The following CTNNA3 variants were observed in gnomAD, a reference collection of about 807,000 sequenced individuals.
CTNNA3 encodes the protein catenin alpha 3.
Under a neutral mutation model 95.7 loss-of-function variants are expected in CTNNA3, and 76 were observed. The observed-to-expected ratio is 0.79, with a 90% confidence interval of 0.66 to 0.96. The LOEUF is 0.96. Among genes scored for constraint, CTNNA3 ranks in the 40% least tolerant of loss-of-function variants. CTNNA3 has a pLI of 0.00. For missense variants in CTNNA3, 1,191 were observed against 1,089.8 expected (o/e 1.09, Z -1.31); for synonymous variants, 431 against 374.4 (o/e 1.15, Z -1.74).
At chr10:66,775,111 C>T (rs1448447538) in intron 8 of CTNNA3, among the ~76,000 whole-genome samples, 1 of 152,136 alleles carries the variant, frequency 6.6e-6, no homozygotes, top group East Asian at 1.9e-4. Context: ...ATTGATTCCT[C>T]ACAGCCCTAT....
At chr10:66,950,007 C>T (rs928471640) in intron 7 of CTNNA3, among the ~76,000 whole-genome samples, 3 of 152,148 alleles carry the variant, frequency 2.0e-5, no homozygotes, top group African/African-American at 7.2e-5. Context: ...CTGGGCTCAA[C>T]CTAGTCTTTC....
At chr10:67,500,851 T>C (rs535914539) in intron 5 of CTNNA3, among the ~76,000 whole-genome samples, 1 of 152,298 alleles carries the variant, frequency 6.6e-6, no homozygotes, top group South Asian at 2.1e-4. Context: ...CAGCACACTA[T>C]GTGTGCCTCT....
In CTNNA3 at chr10:67,574,146, T is replaced by G. The variant is rs145873418; in HGVS notation, c.292+32711A>C. ...TCTTTTGCCCTGCTCCTTGCTACTT[T>G]CAATCCAACACCCTAGGAAAAACCT... On this transcript the variant is annotated intron_variant, in intron 3 of 17. Coordinates refer to ENST00000433211, the MANE Select transcript of CTNNA3 (RefSeq NM_013266.4). 9.9e-5 allele frequency among the ~76,000 whole-genome samples: 15 copies of G among 152,252 alleles called. No individual in the cohort carries two copies. The East Asian group carries it at 2.9e-3, about 29-fold the overall frequency.
intron 13 of CTNNA3, among the ~76,000 whole-genome samples, chr10:66,227,166 C>T (rs2089336252): frequency 6.6e-6 from 1 of 152,034 alleles, no homozygotes; most frequent in Non-Finnish European, 1.5e-5. Context: ...CACCCAGCTG[C>T]ACTTTATTCC....
At chr10:67,353,333 A>C (rs1367138928) in intron 5 of CTNNA3, among the ~76,000 whole-genome samples, 1 of 152,016 alleles carries the variant, frequency 6.6e-6, no homozygotes, top group East Asian at 1.9e-4. Flanking sequence ...AAGAAGCAGC[A>C]CATCTCCAAG....
chr10:66,287,860 C>T (rs2091615910), intron 12 of CTNNA3, among the ~76,000 whole-genome samples: 1 of 151,868 alleles, frequency 6.6e-6, no homozygotes, highest in Non-Finnish European at 1.5e-5. Flanking sequence ...GAGGTGAATC[C>T]AAAAGATCAA....
intron 5 of CTNNA3, among the ~76,000 whole-genome samples, chr10:67,305,642 A>G (rs1840523491): frequency 6.6e-6 from 1 of 152,116 alleles, no homozygotes; most frequent in Non-Finnish European, 1.5e-5. Flanking sequence ...GCAAGACTAG[A>G]AGTGGGGAGA....
Position 66,918,819 on chromosome 10 carries a change from TAGAGAG to T in CTNNA3, c.1048-143301_1048-143296del, listed in dbSNP as rs553999408. ...ATGTGCATGTGTGTAGATAGATAAATAGAGAGAGAGAGAGAGGTTATAAAGACATAT... is the reference window on the plus strand; with the variant it reads ...ATGTGCATGTGTGTAGATAGATAAATAGAGAGAGAGGTTATAAAGACATAT... On this transcript the variant is annotated intron_variant, in intron 7 of 17. Transcript: ENST00000433211. Among the ~76,000 whole-genome samples, 4 of 150,314 alleles carry T rather than the reference TAGAGAG, an allele frequency of 2.7e-5. No homozygotes were observed. The South Asian group carries it at 8.5e-4, about 32-fold the overall frequency.
chr10:66,751,175 G>A (rs1463026834), intron 9 of CTNNA3, among the ~76,000 whole-genome samples: 1 of 152,074 alleles, frequency 6.6e-6, no homozygotes, highest in East Asian at 1.9e-4. Flanking sequence ...GGCTGAGGCA[G>A]AAGAATCGCT....
At chr10:66,402,176 TAAGA>T (rs1466563334) in intron 11 of CTNNA3, among the ~76,000 whole-genome samples, 3 of 152,266 alleles carry the variant, frequency 2.0e-5, no homozygotes, top group East Asian at 1.9e-4. Flanking sequence ...TCAAGGAACA[TAAGA>T]AAGTAATCAC....
chr10:66,320,079 C>G (rs10762056), intron 12 of CTNNA3, among the ~76,000 whole-genome samples: 45,426 of 151,962 alleles, frequency 0.3, 7,897 homozygotes, highest in Non-Finnish European at 0.39. Context: ...CTGTTGTGAG[C>G]TTTTACGCAG....
chr10:67,326,688 C>T (rs1841550721), intron 5 of CTNNA3, among the ~76,000 whole-genome samples: 4 of 152,090 alleles, frequency 2.6e-5, no homozygotes, highest in Admixed American at 2.6e-4. Flanking sequence ...TGGAGAGAAT[C>T]TGATTATTAT....
At chr10:67,291,765 A>T (rs1839845731) in intron 5 of CTNNA3, among the ~76,000 whole-genome samples, 1 of 152,220 alleles carries the variant, frequency 6.6e-6, no homozygotes, top group Non-Finnish European at 1.5e-5. Context: ...GTGTTAACAC[A>T]GCTTTCTATG....
At chr10:66,002,741 C>G (rs2078795166) in intron 15 of CTNNA3, among the ~76,000 whole-genome samples, 1 of 152,138 alleles carries the variant, frequency 6.6e-6, no homozygotes. Context: ...GAGAATAGAT[C>G]TCATAGGAGA....
At chr10:66,689,424 T>C (rs1431941060) in intron 9 of CTNNA3, among the ~76,000 whole-genome samples, 1 of 152,180 alleles carries the variant, frequency 6.6e-6, no homozygotes, top group Non-Finnish European at 1.5e-5. Flanking sequence ...TGCCTTTATT[T>C]CAAATATTTT....
intron 14 of CTNNA3, among the ~76,000 whole-genome samples, chr10:66,094,775 C>G (rs936291978): frequency 6.6e-6 from 1 of 152,100 alleles, no homozygotes; most frequent in Non-Finnish European, 1.5e-5. Flanking sequence ...ATTGCAAAAG[C>G]CTTGAATAAA....
chr10:66,800,852 G>T lies in CTNNA3; in HGVS notation c.1048-25328C>A, dbSNP rs185745433. Reference sequence around the variant, plus strand: ...AAAAGCTTCCCCATTCATCCTACTTGCTAGCATAAGCCTATTCAAGAAAAC... The same window carrying T: ...AAAAGCTTCCCCATTCATCCTACTTTCTAGCATAAGCCTATTCAAGAAAAC... On this transcript the variant is annotated intron_variant, in intron 7 of 17. Coordinates refer to ENST00000433211, the MANE Select transcript of CTNNA3 (RefSeq NM_013266.4). 5.3e-5 allele frequency among the ~76,000 whole-genome samples: 8 copies of T among 151,316 alleles called. No homozygotes were observed. The East Asian group carries it at 9.7e-4, about 18-fold the overall frequency.
chr10:67,042,598 C>T (rs977070893), intron 7 of CTNNA3, among the ~76,000 whole-genome samples: 2 of 151,536 alleles, frequency 1.3e-5, no homozygotes, highest in African/African-American at 2.4e-5. Flanking sequence ...ACAGTACTGT[C>T]AGAAGCTAGG....
intron 13 of CTNNA3, among the ~76,000 whole-genome samples, chr10:66,149,904 A>T (rs563245868): frequency 6.6e-6 from 1 of 152,266 alleles, no homozygotes; most frequent in South Asian, 2.1e-4. Flanking sequence ...AATGGTAAAT[A>T]TTCTTCAATA....
Sources: gnomAD v4.1 joint callset for allele counts (sites outside exome capture counted in the v4.1 genomes callset) on GRCh38, gnomAD v4.1.1 for gene constraint, MANE v1.5 for transcripts, NCBI Gene and HGNC (gene_info 2026-07-23, HGNC 2026-07-21) for gene names.